PTPRU: variants seen among roughly 807,000 people sequenced by gnomAD.
The protein encoded by PTPRU is protein tyrosine phosphatase receptor type U.
A neutral mutation model predicts 166.3 loss-of-function variants in PTPRU; 69 were observed. The ratio of observed to expected loss-of-function variants is 0.41; its 90% CI spans 0.34 to 0.51. The LOEUF (loss-of-function observed/expected upper bound fraction) is 0.51. Among genes scored for constraint, PTPRU ranks in the 20% least tolerant of loss-of-function variants. The probability of loss-of-function intolerance (pLI) is 0.09; values close to 1 mark genes in which losing one functional copy is unlikely to be tolerated. For synonymous variants in PTPRU, 793 were observed against 814.0 expected, an observed-to-expected ratio of 0.97 and a Z score of 0.44; for missense variants, 1,657 against 2,013.7, an observed-to-expected ratio of 0.82 and a Z score of 3.39.
chr1:29,240,753 A>AC (rs1324351569), intron 1 of PTPRU, among the ~76,000 whole-genome samples: 1 of 151,874 alleles, frequency 6.6e-6, no homozygotes, highest in Non-Finnish European at 1.5e-5. Flanking sequence ...AGTTGGTGAG[A>AC]CGTTGAGTCT....
rs772168315 is a variant in PTPRU, at chr1:29,258,768, G to A, written c.469G>A (p.Glu157Lys). 2 of 1,575,938 alleles carry A rather than the reference G, an allele frequency of 1.3e-6. No individual in the cohort carries two copies. The highest frequency in any genetic ancestry group is 1.2e-5 in the South Asian group (1 of 84,642). The change falls in exon 3 of 30, where the codon GAA (glutamate) becomes AAA (lysine). Residue 157 changes from glutamate to lysine, a missense_variant. By Grantham distance (56) the Glu-to-Lys change is moderately conservative (BLOSUM62 1). Around this residue, in one of 3 missense-constraint regions of PTPRU, gnomAD observed 453 missense variants for 496.9 expected, o/e 0.91. Transcript: ENST00000373779. Reference protein sequence around the residue: ...ELAVSTFWPNEYQVLFEALIS... With the variant: ...ELAVSTFWPNKYQVLFEALIS... ...GGCTGTCAGCACTTTCTGGCCCAAT[G>A]AATATCAGGTGGGCTGGGTTCAGTC...
In PTPRU at chr1:29,311,844, A is replaced by C. The variant is rs1051830399; in HGVS notation, c.3072+85A>C. ...TCCCACTTCCCCCAGCCCTGGGAGC[A>C]GGAGGGTGAGGAGCGCACCACTGCC... is the stretch of plus-strand genomic sequence containing the variant. On this transcript the variant is annotated intron_variant, in intron 21 of 29. Coordinates refer to ENST00000373779, the MANE Select transcript of PTPRU (RefSeq NM_133178.4). The surrounding 1 kb of genome is among the most constrained non-coding windows in gnomAD (Gnocchi z 4.1). The C allele has an allele frequency of 5.4e-6, 7 of 1,293,742 alleles. No homozygotes were observed. Among genetic ancestry groups the C allele is most frequent in the Non-Finnish European group, 7.7e-6 (7 of 911,144 alleles). The allele number at this position is 1,293,742 out of a possible 1,614,324, so 80.1% of individuals were successfully genotyped here.
At chr1:29,309,553 A>G (rs1163026817) in intron 18 of PTPRU, among the ~76,000 whole-genome samples, 2 of 152,184 alleles carry the variant, frequency 1.3e-5, no homozygotes, top group Non-Finnish European at 1.5e-5. Context: ...TAGTAGTAGT[A>G]ATAATAATGG....
At chr1:29,324,276 T>C (rs1336427279) in intron 28 of PTPRU, among the ~76,000 whole-genome samples, 1 of 152,234 alleles carries the variant, frequency 6.6e-6, no homozygotes, top group Non-Finnish European at 1.5e-5. Context: ...TTTCAGCATT[T>C]ACTGAGCCTT....
In PTPRU at chr1:29,259,861, TC is replaced by T; in HGVS notation, c.676-6del. ...GGCGCCCCTGACCCCCTCACTCTCT[TC>T]CCTGCAGCGGCAGAGCGGGGCGCTG... On this transcript the variant is annotated splice_region_variant and splice_polypyrimidine_tract_variant and intron_variant, in intron 5 of 29. Coordinates refer to ENST00000373779, the MANE Select transcript of PTPRU (RefSeq NM_133178.4). The T allele has an allele frequency of 6.5e-7, 1 of 1,527,934 alleles. No homozygotes were observed. The highest frequency in any genetic ancestry group is 1.2e-5 in the South Asian group (1 of 82,906). The allele number at this position is 1,527,934 out of a possible 1,614,324, so 94.6% of individuals were successfully genotyped here. A position where few individuals can be genotyped will look rare whatever the true frequency, so the allele number is the denominator to read the frequency against.
Position 29,304,744 on chromosome 1 carries a change from C to G in PTPRU, c.2668-30C>G, listed in dbSNP as rs757817393. 4.4e-6 allele frequency: 7 copies of G among 1,574,756 alleles called. No homozygotes were observed. In the East Asian group the frequency reaches 6.8e-5, roughly 15 times the overall value. On this transcript the variant is annotated intron_variant, in intron 16 of 29. Coordinates refer to ENST00000373779, the MANE Select transcript of PTPRU (RefSeq NM_133178.4). ...GGGCCCTCAGTGAGGGTCCCTCTCT[C>G]CCACTGACCACCACTTTTCTTTCTG...
intron 1 of PTPRU, among the ~76,000 whole-genome samples, chr1:29,245,422 C>T (rs1684251750): frequency 1.3e-5 from 2 of 152,142 alleles, no homozygotes; most frequent in African/African-American, 4.8e-5. Flanking sequence ...CTGAGCTCCC[C>T]TCTCCTCCAG....
At position 29,291,719 on chromosome 1, in the gene PTPRU, G is replaced by C; in HGVS notation, c.2319-150G>C. ...CTCTGGGTCTAATGAGTGAAGGATG[G>C]GGGCAGAGCCCTCAGCATCCAGAGA... On this transcript the variant is annotated intron_variant, in intron 14 of 29. Transcript: ENST00000373779. The surrounding 1 kb of genome is among the most constrained non-coding windows in gnomAD (Gnocchi z 4.1). 2.4e-6 allele frequency: 2 copies of C among 821,796 alleles called. No homozygotes were observed. Among genetic ancestry groups the C allele is most frequent in the Non-Finnish European group, 3.8e-6 (2 of 523,078 alleles). 50.9% of individuals were successfully genotyped at this position (821,796 alleles called of 1,614,324 possible). A position where few individuals can be genotyped will look rare whatever the true frequency, so the allele number is the denominator to read the frequency against.
chr1:29,270,044 T>TC (rs929494947), intron 7 of PTPRU, among the ~76,000 whole-genome samples: 15 of 152,002 alleles, frequency 9.9e-5, no homozygotes, highest in African/African-American at 3.6e-4. Flanking sequence ...TCTTCCCTTC[T>TC]CCCCCCACCC....
chr1:29,270,078 T>C (rs1265870216), intron 7 of PTPRU, among the ~76,000 whole-genome samples: 1 of 152,118 alleles, frequency 6.6e-6, no homozygotes, highest in Non-Finnish European at 1.5e-5. Context: ...TAGGATAAAG[T>C]GTCAGGAGTG....
chr1:29,283,065 AC>A, intron 12 of PTPRU, 116 bp downstream of exon 12: 1 of 1,417,194 alleles, frequency 7.1e-7, no homozygotes, highest in African/African-American at 1.4e-5. Flanking sequence ...CCATAGCCCC[AC>A]CTCCCATAGC....
At chr1:29,270,437 G>T (rs1200694314) in intron 7 of PTPRU, among the ~76,000 whole-genome samples, 1 of 152,090 alleles carries the variant, frequency 6.6e-6, no homozygotes, top group Non-Finnish European at 1.5e-5. Context: ...CTCCCAAGTA[G>T]CTGGGACTAC....
At chr1:29,316,314 C>T (rs181252527) in intron 24 of PTPRU, among the ~76,000 whole-genome samples, 163 bp downstream of exon 24, 37 of 152,186 alleles carry the variant, frequency 2.4e-4, no homozygotes, top group Middle Eastern at 3.4e-3. Context: ...TTTGGGACAG[C>T]GGAAGATGGG....
intron 14 of PTPRU, chr1:29,289,734 G>T: frequency 6.2e-7 from 1 of 1,613,378 alleles, no homozygotes; most frequent in African/African-American, 1.3e-5. Flanking sequence ...TACCTTGCCT[G>T]GGAGTCCCCG....
At chr1:29,293,497 C>T (rs563591620) in intron 15 of PTPRU, among the ~76,000 whole-genome samples, 11 of 134,064 alleles carry the variant, frequency 8.2e-5, no homozygotes, top group Non-Finnish European at 1.2e-4. Context: ...TTTTTTGAGA[C>T]GGAGTCTCCC....
intron 22 of PTPRU, among the ~76,000 whole-genome samples, chr1:29,312,948 C>G (rs1687735241): frequency 6.6e-6 from 1 of 152,168 alleles, no homozygotes; most frequent in Admixed American, 6.5e-5. Flanking sequence ...TGAGGAGGCA[C>G]TGGAGATAGG....
intron 18 of PTPRU, among the ~76,000 whole-genome samples, chr1:29,310,248 G>T (rs543771386): frequency 9.9e-5 from 15 of 152,252 alleles, no homozygotes; most frequent in African/African-American, 3.4e-4. Context: ...GGCCCCCCAC[G>T]CTCTGAGTGA....
intron 7 of PTPRU, among the ~76,000 whole-genome samples, chr1:29,273,377 T>A (rs1574644698): frequency 6.6e-6 from 1 of 152,272 alleles, no homozygotes; most frequent in East Asian, 1.9e-4. Flanking sequence ...TAAGCAATAC[T>A]CCTGCTTCAG....
chr1:29,242,294 G>A (rs576688004), intron 1 of PTPRU, among the ~76,000 whole-genome samples: 2 of 152,286 alleles, frequency 1.3e-5, no homozygotes, highest in South Asian at 4.2e-4. Context: ...CGTGTTGGGT[G>A]GGAATGTCCT....
Sources: gnomAD v4.1 joint callset for allele counts (sites outside exome capture counted in the v4.1 genomes callset) on GRCh38, gnomAD v4.1.1 for gene constraint, gnomAD v4.1.1 regional missense constraint, Gnocchi (gnomAD v3.1) non-coding constraint, MANE v1.5 for transcripts, NCBI Gene and HGNC (gene_info 2026-07-23, HGNC 2026-07-21) for gene names.